Variants in PTPRN2 observed in about 807,000 individuals in gnomAD.
PTPRN2 encodes receptor-type tyrosine-protein phosphatase N2.
In PTPRN2, 74 loss-of-function variants were observed where a neutral mutation model predicts 118.8. The ratio of observed to expected loss-of-function variants is 0.62; its 90% CI spans 0.52 to 0.76. The LOEUF is 0.76. Among genes scored for constraint, PTPRN2 ranks in the 30% least tolerant of loss-of-function variants. The pLI, the probability that PTPRN2 is intolerant of heterozygous loss-of-function variation, is 0.00. For synonymous variants in PTPRN2, 641 were observed against 608.0 expected, an observed-to-expected ratio of 1.05 and a Z score of -0.80; for missense variants, 1,481 against 1,394.4, an observed-to-expected ratio of 1.06 and a Z score of -0.99.
chr7:157,997,130 G>T (rs549343933), intron 11 of PTPRN2, among the ~76,000 whole-genome samples: 1 of 152,220 alleles, frequency 6.6e-6, no homozygotes, highest in South Asian at 2.1e-4. Context: ...GGGGTTGGGG[G>T]CACATCTGAT....
At chr7:158,457,850 A>T (rs1818652018) in intron 2 of PTPRN2, among the ~76,000 whole-genome samples, 1 of 150,570 alleles carries the variant, frequency 6.6e-6, no homozygotes, top group African/African-American at 2.5e-5. Flanking sequence ...GCCTGGGGAG[A>T]GTCGCAGTAA....
At chr7:158,317,205 G>A (rs77325587) in intron 2 of PTPRN2, among the ~76,000 whole-genome samples, 5,334 of 152,230 alleles carry the variant, frequency 0.035, 331 homozygotes, top group African/African-American at 0.12. Context: ...CATACCCCCC[G>A]AGCCCTCCTT....
At chr7:157,740,251 G>A (rs960077934) in intron 12 of PTPRN2, 3 of 152,172 alleles carry the variant, frequency 2.0e-5, no homozygotes, top group Non-Finnish European at 4.4e-5. Flanking sequence ...ACTTTCCTTG[G>A]TGGATCAGGT....
At chr7:158,331,561 C>A (rs1200072934) in intron 2 of PTPRN2, among the ~76,000 whole-genome samples, 4 of 133,096 alleles carry the variant, frequency 3.0e-5, no homozygotes, top group Non-Finnish European at 4.8e-5. Context: ...CACCCGCAGA[C>A]GTCACTCACA....
chr7:158,342,259 G>C (rs1431537479), intron 2 of PTPRN2, among the ~76,000 whole-genome samples: 6 of 120,172 alleles, frequency 5.0e-5, no homozygotes, highest in Non-Finnish European at 8.3e-5. Context: ...GCCCGCAGAC[G>C]TCACTCACAC....
rs549034288 is a variant in PTPRN2, at chr7:158,529,835, C to T, written c.113-40050G>A. Among the ~76,000 whole-genome samples, 1 of 152,328 alleles carries T rather than the reference C, an allele frequency of 6.6e-6. No individual in the cohort carries two copies. Among genetic ancestry groups the T allele is most frequent in the Admixed American group, 6.5e-5 (1 of 15,304 alleles). On this transcript the variant is annotated intron_variant, in intron 1 of 22. Transcript: ENST00000389418. The surrounding 1 kb of genome is among the most constrained non-coding windows in gnomAD (Gnocchi z 4.7). Reference sequence around the variant, plus strand: ...CATCTCCTCTACACACATGGACAAACACCACACACACGTGTACATCACACA... The same window carrying T: ...CATCTCCTCTACACACATGGACAAATACCACACACACGTGTACATCACACA...
rs1233561649 is a variant in PTPRN2 at position 158,517,565 on chromosome 7, C to T, written c.113-27780G>A. Among the ~76,000 whole-genome samples, 1 of 152,142 alleles carries T rather than the reference C, an allele frequency of 6.6e-6. No individual in the cohort carries two copies. The highest frequency in any genetic ancestry group is 1.5e-5 in the Non-Finnish European group (1 of 68,022). On this transcript the variant is annotated intron_variant, in intron 1 of 22. Transcript: ENST00000389418. This position sits in a 1 kb window ranked among gnomAD's most constrained non-coding sequence, Gnocchi z 5.3. ...GCTGCCCCTCTGCAATCTCCTCCAACAGCCGCCAGGATCATCTTTACAAAA... is the reference window on the plus strand; with the variant it reads ...GCTGCCCCTCTGCAATCTCCTCCAATAGCCGCCAGGATCATCTTTACAAAA...
intron 1 of PTPRN2, among the ~76,000 whole-genome samples, chr7:158,522,388 G>A (rs887537717): frequency 4.9e-5 from 7 of 142,564 alleles, no homozygotes; most frequent in East Asian, 2.0e-4. Context: ...GGAGGTCCAC[G>A]TCACAATGGT....
intron 11 of PTPRN2, among the ~76,000 whole-genome samples, chr7:157,913,608 T>C (rs1209664387): frequency 6.6e-6 from 1 of 152,288 alleles, no homozygotes. Flanking sequence ...TGAATGTTAA[T>C]ATTTAGCAAA....
At chr7:158,420,157 T>G (rs1815127394) in intron 2 of PTPRN2, among the ~76,000 whole-genome samples, 1 of 152,162 alleles carries the variant, frequency 6.6e-6, no homozygotes, top group African/African-American at 2.4e-5. Flanking sequence ...CCTCCCGTTT[T>G]CCTTCCCAAG....
At chr7:158,554,782 G>A (rs1232268409) in intron 1 of PTPRN2, among the ~76,000 whole-genome samples, 2 of 152,040 alleles carry the variant, frequency 1.3e-5, no homozygotes, top group Admixed American at 6.6e-5. Flanking sequence ...TGGCTCCCCC[G>A]ATCCAGCGCA....
Position 157,753,699 on chromosome 7 carries a change from G to A in PTPRN2, c.1789-70762C>T, listed in dbSNP as rs559895877. Reference sequence around the variant, plus strand: ...TGCCAGGCCCCACACCTGCCTTAACGCCTCCCCTCCGTTCTCTACCATGTG... The same window carrying A: ...TGCCAGGCCCCACACCTGCCTTAACACCTCCCCTCCGTTCTCTACCATGTG... On this transcript the variant is annotated intron_variant, in intron 12 of 22. Coordinates refer to ENST00000389418, the MANE Select transcript of PTPRN2 (RefSeq NM_002847.5). Among the ~76,000 whole-genome samples the A allele has an allele frequency of 7.3e-4, 109 of 149,226 alleles. 1 individual carries two copies. The highest frequency in any genetic ancestry group is 2.1e-3 in the African/African-American group (87 of 41,092).
chr7:158,059,417 C>T (rs1810118919), intron 11 of PTPRN2, among the ~76,000 whole-genome samples: 1 of 123,838 alleles, frequency 8.1e-6, no homozygotes, highest in East Asian at 2.5e-4. Context: ...ACTGCAGCCA[C>T]ACTCCATCTG....
chr7:158,038,578 A>G (rs958141582), intron 11 of PTPRN2, among the ~76,000 whole-genome samples: 16 of 151,752 alleles, frequency 1.1e-4, no homozygotes, highest in African/African-American at 3.9e-4. Flanking sequence ...TATATAATGC[A>G]CTGACCAAGA....
intron 3 of PTPRN2, among the ~76,000 whole-genome samples, chr7:158,277,107 G>A (rs949203012): frequency 7.2e-5 from 11 of 152,034 alleles, no homozygotes; most frequent in African/African-American, 1.7e-4. Flanking sequence ...TCTCACACAC[G>A]TGCACACACA....
chr7:158,001,754 C>T (rs1234372044), intron 11 of PTPRN2, among the ~76,000 whole-genome samples: 1 of 152,248 alleles, frequency 6.6e-6, no homozygotes. Flanking sequence ...TCTGTTTATA[C>T]ACAAACAGCA....
chr7:158,272,652 G>C (rs1415078462), intron 3 of PTPRN2, among the ~76,000 whole-genome samples: 3 of 152,178 alleles, frequency 2.0e-5, no homozygotes, highest in African/African-American at 7.2e-5. Context: ...ACCTCACAGA[G>C]TCAAATCTCG....
At chr7:158,071,087 G>C (rs1245079469) in intron 11 of PTPRN2, among the ~76,000 whole-genome samples, 2 of 50,978 alleles carry the variant, frequency 3.9e-5, no homozygotes, top group Non-Finnish European at 3.6e-5. Context: ...GGAGGTGCCC[G>C]TGGTGGTGGA....
intron 14 of PTPRN2, among the ~76,000 whole-genome samples, chr7:157,654,517 G>T (rs948601102): frequency 6.6e-6 from 1 of 152,170 alleles, no homozygotes; most frequent in African/African-American, 2.4e-5. Flanking sequence ...TGTGTTTCTC[G>T]TTTCGGCCCT....
Sources: gnomAD v4.1 joint callset for allele counts (sites outside exome capture counted in the v4.1 genomes callset) on GRCh38, gnomAD v4.1.1 for gene constraint, Gnocchi (gnomAD v3.1) non-coding constraint, MANE v1.5 for transcripts, NCBI Gene and HGNC (gene_info 2026-07-23, HGNC 2026-07-21) for gene names.